DCC: variants seen among roughly 807,000 people sequenced by gnomAD.
DCC encodes DCC netrin 1 receptor.
DCC carries 58 observed loss-of-function variants against 172.5 expected under a neutral mutation model. That is an observed-to-expected ratio of 0.34 (90% CI 0.27 to 0.42). DCC has a LOEUF of 0.42. Among genes scored for constraint, DCC ranks in the 10% least tolerant of loss-of-function variants. The pLI, the probability that DCC is intolerant of heterozygous loss-of-function variation, is 1.00. For missense variants in DCC, 1,740 were observed against 1,791.0 expected, an observed-to-expected ratio of 0.97 and a Z score of 0.51; for synonymous variants, 709 against 644.5, an observed-to-expected ratio of 1.10 and a Z score of -1.52.
rs142118516 is a variant in DCC, at chr18:53,205,600, A to G, written c.1722+236A>G. Among the ~76,000 whole-genome samples the G allele has an allele frequency of 2.7e-3, 418 of 152,310 alleles. 1 individual carries two copies. The highest frequency in any genetic ancestry group is 9.2e-3 in the African/African-American group (384 of 41,574). ...CAATAAAGTGAAGTCAATAGAAAGG[A>G]TACCAATTTTTTGGTTGAGTCTGCA... On this transcript the variant is annotated intron_variant, in intron 10 of 28. Coordinates refer to ENST00000442544, the MANE Select transcript of DCC (RefSeq NM_005215.4).
At chr18:53,165,460 A>G (rs1040007375) in intron 8 of DCC, among the ~76,000 whole-genome samples, 4 of 152,124 alleles carry the variant, frequency 2.6e-5, no homozygotes, top group Non-Finnish European at 5.9e-5. Flanking sequence ...CTTGTTATCC[A>G]TGAGGGAACA....
intron 15 of DCC, among the ~76,000 whole-genome samples, chr18:53,357,977 A>C (rs895724349): frequency 6.6e-6 from 1 of 152,146 alleles, no homozygotes; most frequent in African/African-American, 2.4e-5. Context: ...AATTTCTGAG[A>C]ATATAATTTT....
At chr18:52,367,273 G>A (rs1478337640) in intron 1 of DCC, among the ~76,000 whole-genome samples, 1 of 152,170 alleles carries the variant, frequency 6.6e-6, no homozygotes, top group Non-Finnish European at 1.5e-5. Context: ...CCCGGTTCCC[G>A]CTCGCGCCTC....
rs374129823 is a variant in DCC, at chr18:52,783,323, CTTTTTTTTTTTTTTTTTTTTTTTTTTTT to C, written c.412+30960_412+30987del. 1.2e-4 allele frequency among the ~76,000 whole-genome samples: 7 copies of C among 59,260 alleles called. No individual in the cohort carries two copies. The East Asian group carries it at 3.4e-3, about 28-fold the overall frequency. The allele number at this position is 59,260 out of a possible 152,430, so 38.9% of individuals were successfully genotyped here. A position where few individuals can be genotyped will look rare whatever the true frequency, so the allele number is the denominator to read the frequency against. ...ACTAAAAATAATTTATACTACTACTCTTTTTTTTTTTTTTTTTTTTTTTTTTTTTTTTTTTTTTACAACACAAAGGTTG... is the reference window on the plus strand; with the variant it reads ...ACTAAAAATAATTTATACTACTACTCTTTTTTTTTTACAACACAAAGGTTG... On this transcript the variant is annotated intron_variant, in intron 2 of 28. Transcript: ENST00000442544.
chr18:53,400,455 A>G (rs1034114681), intron 18 of DCC, among the ~76,000 whole-genome samples: 2 of 152,162 alleles, frequency 1.3e-5, no homozygotes, highest in Non-Finnish European at 2.9e-5. Context: ...TTATTTATTT[A>G]TATTTAATCC....
chr18:53,087,971 T>G (rs1329357241), intron 7 of DCC, among the ~76,000 whole-genome samples: 1 of 152,152 alleles, frequency 6.6e-6, no homozygotes, highest in Non-Finnish European at 1.5e-5. Flanking sequence ...TATCTCTGTT[T>G]TGGTACCAGT....
intron 5 of DCC, among the ~76,000 whole-genome samples, chr18:52,965,755 A>G (rs951419203): frequency 2.0e-5 from 3 of 152,152 alleles, no homozygotes; most frequent in African/African-American, 7.2e-5. Flanking sequence ...AGTAATTTAT[A>G]TTTGTGGTCT....
intron 1 of DCC, among the ~76,000 whole-genome samples, chr18:52,434,816 C>A (rs1359142344): frequency 6.6e-6 from 1 of 152,098 alleles, no homozygotes; most frequent in Non-Finnish European, 1.5e-5. Flanking sequence ...CACACCTCCC[C>A]ACGCCCGTCC....
chr18:53,019,654 T>C (rs1203393785), intron 5 of DCC, among the ~76,000 whole-genome samples: 2 of 152,182 alleles, frequency 1.3e-5, no homozygotes, highest in Non-Finnish European at 2.9e-5. Flanking sequence ...CTGTGATATA[T>C]TCCAGTTTAT....
At chr18:52,734,142 T>C (rs529416630) in intron 1 of DCC, among the ~76,000 whole-genome samples, 1 of 152,102 alleles carries the variant, frequency 6.6e-6, no homozygotes, top group Non-Finnish European at 1.5e-5. Context: ...AAATATATAT[T>C]ATTTTTATTT....
chr18:53,226,530 T>A (rs2056031048), intron 12 of DCC, among the ~76,000 whole-genome samples: 1 of 152,112 alleles, frequency 6.6e-6, no homozygotes, highest in Non-Finnish European at 1.5e-5. Flanking sequence ...CTCAATAAAC[T>A]TCAGTAGACA....
intron 5 of DCC, among the ~76,000 whole-genome samples, chr18:53,039,935 G>T (rs141265110): frequency 5.9e-5 from 9 of 152,068 alleles, no homozygotes; most frequent in African/African-American, 1.9e-4. Flanking sequence ...CTGTGCAGCT[G>T]CAGTGCCCAA....
At chr18:53,419,450 C>G (rs972561875) in intron 21 of DCC, among the ~76,000 whole-genome samples, 1 of 152,114 alleles carries the variant, frequency 6.6e-6, no homozygotes, top group African/African-American at 2.4e-5. Context: ...CCCCCCACTA[C>G]CATTCCCAGC....
chr18:52,514,131 C>T (rs759907010), intron 1 of DCC, among the ~76,000 whole-genome samples: 1 of 151,748 alleles, frequency 6.6e-6, no homozygotes, highest in East Asian at 1.9e-4. Context: ...TGATAAAATC[C>T]TCTCTCTCTG....
intron 2 of DCC, among the ~76,000 whole-genome samples, chr18:52,890,456 G>A (rs1431739): frequency 0.39 from 59,665 of 151,922 alleles, 12,328 homozygotes; most frequent in Non-Finnish European, 0.47. Flanking sequence ...TCATAAAACC[G>A]CCTAAAACAG....
At chr18:52,945,368 C>T (rs1057381295) in intron 5 of DCC, among the ~76,000 whole-genome samples, 3 of 152,112 alleles carry the variant, frequency 2.0e-5, no homozygotes, top group African/African-American at 7.2e-5. Flanking sequence ...TGAACACAGT[C>T]TGCTTTCTGA....
At chr18:52,481,531 A>G (rs1328365854) in intron 1 of DCC, among the ~76,000 whole-genome samples, 1 of 152,144 alleles carries the variant, frequency 6.6e-6, no homozygotes, top group African/African-American at 2.4e-5. Flanking sequence ...CAAAAAATGC[A>G]TAGACACAAC....
intron 7 of DCC, among the ~76,000 whole-genome samples, chr18:53,139,830 C>T (rs752577551): frequency 2.0e-5 from 3 of 152,092 alleles, no homozygotes; most frequent in East Asian, 1.9e-4. Context: ...AGGTCAGAAA[C>T]GCATCACATA....
At chr18:53,430,114 T>C (rs1911515880) in intron 21 of DCC, among the ~76,000 whole-genome samples, 1 of 152,096 alleles carries the variant, frequency 6.6e-6, no homozygotes, top group Non-Finnish European at 1.5e-5. Context: ...ATGGATATTC[T>C]TTATCTGCTG....
Sources: allele counts gnomAD v4.1 joint callset (sites outside exome capture counted in the v4.1 genomes callset), GRCh38; gene constraint gnomAD v4.1.1; transcripts MANE v1.5; gene names NCBI Gene and HGNC (gene_info 2026-07-23, HGNC 2026-07-21).